Variants in USP12 observed in about 807,000 individuals in gnomAD.
USP12 encodes ubiquitin specific peptidase 12.
A neutral mutation model predicts 45.5 loss-of-function variants in USP12; 19 were observed. The observed-to-expected ratio is 0.42, with a 90% CI of 0.29 to 0.61. The LOEUF (loss-of-function observed/expected upper bound fraction) is 0.61, where lower values mean the gene tolerates loss of function less well. USP12 is among the 20% of genes least tolerant of loss of function. The probability of loss-of-function intolerance (pLI) is 0.22; values close to 1 mark genes in which losing one functional copy is unlikely to be tolerated. For missense variants in USP12, 242 were observed against 447.7 expected, an observed-to-expected ratio of 0.54 and a Z score of 4.15; for synonymous variants, 149 against 148.8, an observed-to-expected ratio of 1.00 and a Z score of -0.01.
At chr13:27,120,621 TAAAA>T (rs57930303) in intron 1 of USP12, among the ~76,000 whole-genome samples, 2 of 145,300 alleles carry the variant, frequency 1.4e-5, no homozygotes, top group Non-Finnish European at 3.0e-5. Flanking sequence ...AAACTCCATC[TAAAA>T]AAAAAAAAAA....
intron 3 of USP12, among the ~76,000 whole-genome samples, chr13:27,101,206 A>G (rs1296391861): frequency 1.3e-5 from 2 of 152,230 alleles, no homozygotes; most frequent in South Asian, 2.1e-4. Flanking sequence ...CTTAGAGTAT[A>G]CTGAATATGC....
At position 27,171,625 on chromosome 13, in the gene USP12, C is replaced by G; in HGVS notation, c.15G>C (p.Met5Ile). 12 of 1,294,062 alleles carry G rather than the reference C, an allele frequency of 9.3e-6. No individual in the cohort carries two copies. The highest frequency in any genetic ancestry group is 1.2e-5 in the Non-Finnish European group (12 of 989,018). The allele number at this position is 1,294,062 out of a possible 1,614,324, so 80.2% of individuals were successfully genotyped here. ...AGATGGAGGCGAATTTGGAGACTGT[C>G]ATTAGGATTTCCATCCGGCCAGCGC... is the stretch of plus-strand genomic sequence containing the variant. Reference protein sequence around the residue: MEILMTVSKFASICT... With the variant: MEILITVSKFASICT... Residue 5 changes from methionine (M) to isoleucine (I), a missense_variant, in exon 1 of 9, where the codon ATG becomes ATC. By Grantham distance (10) the Met-to-Ile change is conservative (BLOSUM62 1). Around this residue, in one of 5 missense-constraint regions of USP12, gnomAD observed 19 missense variants for 16.1 expected, o/e 1.18. Coordinates refer to ENST00000282344, the MANE Select transcript of USP12 (RefSeq NM_182488.4).
At chr13:27,120,670 T>C (rs1043815570) in intron 1 of USP12, among the ~76,000 whole-genome samples, 1 of 151,300 alleles carries the variant, frequency 6.6e-6, no homozygotes, top group Non-Finnish European at 1.5e-5. Context: ...GGTATCAGAA[T>C]TAATTTATTT....
intron 1 of USP12, among the ~76,000 whole-genome samples, chr13:27,148,127 C>A (rs1263213101): frequency 5.5e-5 from 8 of 144,952 alleles, no homozygotes; most frequent in Admixed American, 6.9e-5. Context: ...AGACCTATCT[C>A]AAAAAAAAAA....
intron 1 of USP12, among the ~76,000 whole-genome samples, chr13:27,143,648 A>G (rs996480502): frequency 2.0e-5 from 3 of 152,208 alleles, no homozygotes; most frequent in Admixed American, 2.0e-4. Context: ...ACTTGAATCA[A>G]ATCATCAAAT....
At chr13:27,148,048 G>A (rs570551287) in intron 1 of USP12, among the ~76,000 whole-genome samples, 12 of 151,924 alleles carry the variant, frequency 7.9e-5, no homozygotes, top group Non-Finnish European at 4.4e-5. Context: ...AGAACCACTT[G>A]GGCCCAAGAG....
intron 4 of USP12, among the ~76,000 whole-genome samples, chr13:27,091,918 A>G (rs547875420): frequency 6.6e-6 from 1 of 152,312 alleles, no homozygotes; most frequent in African/African-American, 2.4e-5. Flanking sequence ...TACCTGTCCA[A>G]ATCCTTCCCA....
Position 27,089,933 on chromosome 13 carries a change from T to C in USP12, c.684A>G (p.Glu228=). Residue 228 remains glutamate (E), a synonymous_variant, in exon 6 of 9, where the codon GAA becomes GAG. Transcript: ENST00000282344. ...GACACTCTTCACAGTAATACTTGTATTCACTGCACAGAGTTTCTGTGTTGC... is the reference window on the plus strand; with the variant it reads ...GACACTCTTCACAGTAATACTTGTACTCACTGCACAGAGTTTCTGTGTTGC... ...GFSNTETLCS[E]YKYYCEECRS... The C allele has an allele frequency of 2.5e-6, 4 of 1,611,424 alleles. No individual in the cohort carries two copies. Among genetic ancestry groups the C allele is most frequent in the Non-Finnish European group, 3.4e-6 (4 of 1,178,846 alleles).
intron 1 of USP12, 63 bp downstream of exon 1, chr13:27,171,529 C>G: frequency 1.1e-6 from 1 of 930,224 alleles, no homozygotes. Flanking sequence ...AGAGGCGGGT[C>G]CAGCGCCGCC....
At chr13:27,076,020 G>C (rs1271586515) in intron 6 of USP12, among the ~76,000 whole-genome samples, 1 of 107,718 alleles carries the variant, frequency 9.3e-6, no homozygotes, top group East Asian at 2.7e-4. Flanking sequence ...ACAGAGCAAG[G>C]CTCCGTCTCA....
At chr13:27,121,539 G>A (rs1383971248) in intron 1 of USP12, among the ~76,000 whole-genome samples, 1 of 152,116 alleles carries the variant, frequency 6.6e-6, no homozygotes, top group Non-Finnish European at 1.5e-5. Context: ...AGAGCCCCAT[G>A]AAGAAATGCA....
At position 27,069,344 on chromosome 13, in the gene USP12, G is replaced by T; in HGVS notation, c.1052C>A (p.Thr351Lys). The T allele has an allele frequency of 6.2e-7, 1 of 1,612,984 alleles. No individual in the cohort carries two copies. Among genetic ancestry groups the T allele is most frequent in the Non-Finnish European group, 8.5e-7 (1 of 1,179,834 alleles). The stretch of plus-strand genomic sequence containing the variant: ...CTCAGAGTTCTTTGAGATATCTGAT[G>T]TCAACCCGTAGAATTCTTCAATAGC... ...AQAIEEFYGL[T>K]SDISKNSESG... The change falls in exon 9 of 9, where the codon ACA becomes AAA. Residue 351 changes from threonine (T) to lysine (K), a missense_variant. Coordinates refer to ENST00000282344, the MANE Select transcript of USP12 (RefSeq NM_182488.4).
In USP12 at chr13:27,086,197, A is replaced by AATATATATATAT. The variant is rs1555233236; in HGVS notation, c.734+3674_734+3685dup. On this transcript the variant is annotated intron_variant, in intron 6 of 8. Coordinates refer to ENST00000282344, the MANE Select transcript of USP12 (RefSeq NM_182488.4). ...TTTAAAAAAAAAAAAAAAAAAAAAA[A>AATATATATATAT]ATATATATATATATATATATATGCG... 4.7e-4 allele frequency among the ~76,000 whole-genome samples: 27 copies of AATATATATATAT among 56,918 alleles called. 1 individual carries two copies. The highest frequency in any genetic ancestry group is 8.3e-4 in the African/African-American group (12 of 14,440). The allele number at this position is 56,918 out of a possible 152,430, so 37.3% of individuals were successfully genotyped here. A position where few individuals can be genotyped will look rare whatever the true frequency, so the allele number is the denominator to read the frequency against.
chr13:27,086,174 TAAAAAAAAAAAAAA>T (rs138475761), intron 6 of USP12, among the ~76,000 whole-genome samples: 6 of 72,346 alleles, frequency 8.3e-5, no homozygotes, highest in South Asian at 5.9e-4. Context: ...TTTGTCTCTT[TAAAAAAAAAAAAAA>T]AAAAAAAAAA....
At chr13:27,084,521 T>A (rs974951230) in intron 6 of USP12, among the ~76,000 whole-genome samples, 10 of 147,506 alleles carry the variant, frequency 6.8e-5, no homozygotes, top group African/African-American at 2.3e-4. Flanking sequence ...AAAAAAAGAG[T>A]TCTATAGTTT....
chr13:27,118,489 C>T (rs921640735), intron 1 of USP12, among the ~76,000 whole-genome samples: 2 of 152,142 alleles, frequency 1.3e-5, no homozygotes, highest in African/African-American at 4.8e-5. Context: ...ACAGCAACTT[C>T]ACAATCCACT....
chr13:27,088,779 C>T (rs1037771208), intron 6 of USP12, among the ~76,000 whole-genome samples: 1 of 152,166 alleles, frequency 6.6e-6, no homozygotes, highest in Non-Finnish European at 1.5e-5. Flanking sequence ...TCTTTGCTGA[C>T]TGTGTTTTGT....
At chr13:27,100,823 T>C (rs753566296) in intron 3 of USP12, among the ~76,000 whole-genome samples, 2 of 152,184 alleles carry the variant, frequency 1.3e-5, no homozygotes, top group Non-Finnish European at 2.9e-5. Context: ...CAGGGAGAAC[T>C]AGTAAAAAGA....
At chr13:27,092,283 AT>A (rs1443471418) in intron 4 of USP12, among the ~76,000 whole-genome samples, 5 of 152,196 alleles carry the variant, frequency 3.3e-5, no homozygotes, top group African/African-American at 1.2e-4. Context: ...TCAAGATATC[AT>A]TTTTTTCCCA....
Sources: gnomAD v4.1 joint callset for allele counts (sites outside exome capture counted in the v4.1 genomes callset) on GRCh38, gnomAD v4.1.1 for gene constraint, gnomAD v4.1.1 regional missense constraint, MANE v1.5 for transcripts, NCBI Gene and HGNC (gene_info 2026-07-23, HGNC 2026-07-21) for gene names.